Variants in BBS9 observed in about 807,000 individuals in gnomAD.
BBS9 encodes Bardet-Biedl syndrome 9.
Under a neutral mutation model 117.7 loss-of-function variants are expected in BBS9, and 89 were observed. That is an observed-to-expected ratio of 0.76 (90% CI 0.64 to 0.90). The LOEUF (loss-of-function observed/expected upper bound fraction) is 0.90. Among genes scored for constraint, BBS9 ranks in the 40% least tolerant of loss-of-function variants. The pLI, the probability that BBS9 is intolerant of heterozygous loss-of-function variation, is 0.00. For synonymous variants in BBS9, 379 were observed against 370.9 expected, an observed-to-expected ratio of 1.02 and a Z score of -0.25; for missense variants, 982 against 1,042.2, an observed-to-expected ratio of 0.94 and a Z score of 0.80.
In BBS9 at chr7:33,492,369, T is replaced by C. The variant is rs574500087; in HGVS notation, c.2116-13094T>C. On this transcript the variant is annotated intron_variant, in intron 19 of 22. Transcript: ENST00000242067. Reference sequence around the variant, plus strand: ...CTCATTTAATCTTCAAGCCACGTAATTACTTGTCTCTTACAAAGGAGAAAA... The same window carrying C: ...CTCATTTAATCTTCAAGCCACGTAACTACTTGTCTCTTACAAAGGAGAAAA... 3.3e-5 allele frequency among the ~76,000 whole-genome samples: 5 copies of C among 152,186 alleles called. No homozygotes were observed. The South Asian group carries it at 1.0e-3, about 32-fold the overall frequency.
At chr7:33,381,929 A>C (rs1277723681) in intron 17 of BBS9, among the ~76,000 whole-genome samples, 1 of 152,180 alleles carries the variant, frequency 6.6e-6, no homozygotes, top group Non-Finnish European at 1.5e-5. Flanking sequence ...AGTCCTAATA[A>C]CCAATCCGAA....
At chr7:33,138,133 G>A (rs1452465086) in intron 1 of BBS9, among the ~76,000 whole-genome samples, 1 of 152,190 alleles carries the variant, frequency 6.6e-6, no homozygotes, top group Non-Finnish European at 1.5e-5. Flanking sequence ...TAATGAGGCA[G>A]GGGACTAGAG....
At chr7:33,278,031 C>G (rs902656667) in intron 9 of BBS9, among the ~76,000 whole-genome samples, 1 of 152,134 alleles carries the variant, frequency 6.6e-6, no homozygotes, top group Non-Finnish European at 1.5e-5. Context: ...AAACTATAGA[C>G]TAAATGTCTC....
chr7:33,495,626 A>G lies in BBS9; in HGVS notation c.2116-9837A>G, dbSNP rs188391723. On this transcript the variant is annotated intron_variant, in intron 19 of 22. Transcript: ENST00000242067. ...ATTCTTCTTTTTACAACCTGATTCC[A>G]TCAATTATTATTTTTTAAATTGGGG... Among the ~76,000 whole-genome samples the G allele has an allele frequency of 6.0e-4, 91 of 152,236 alleles. 1 individual carries two copies. Among genetic ancestry groups the G allele is most frequent in the Non-Finnish European group, 1.1e-3 (74 of 68,022 alleles).
chr7:33,353,007 A>G (rs1818958174), intron 15 of BBS9, 134 bp downstream of exon 15: 1 of 897,184 alleles, frequency 1.1e-6, no homozygotes, highest in South Asian at 1.5e-5. Flanking sequence ...AGGATGATAC[A>G]GTGCCTTGAT....
intron 19 of BBS9, among the ~76,000 whole-genome samples, chr7:33,392,786 C>T (rs1170420628): frequency 1.3e-5 from 2 of 152,140 alleles, no homozygotes; most frequent in African/African-American, 4.8e-5. Flanking sequence ...TCATTAAAAT[C>T]TTATTCACTC....
At chr7:33,455,529 A>T (rs1838518116) in intron 19 of BBS9, among the ~76,000 whole-genome samples, 1 of 152,166 alleles carries the variant, frequency 6.6e-6, no homozygotes, top group African/African-American at 2.4e-5. Context: ...ATTTCAAAAT[A>T]TTGCCTTCAT....
chr7:33,257,417 T>C lies in BBS9; in HGVS notation c.617+7T>C, dbSNP rs1175003685. ...AACAAGTGGAAAGTTATAAGTAAGT[T>C]TGGATGTTAAGTCTTCAGAATCATG... On this transcript the variant is annotated splice_region_variant and intron_variant, in intron 6 of 22. Coordinates refer to ENST00000242067, the MANE Select transcript of BBS9 (RefSeq NM_198428.3). 2 of 1,613,370 alleles carry C rather than the reference T, an allele frequency of 1.2e-6. No individual in the cohort carries two copies. Among genetic ancestry groups the C allele is most frequent in the East Asian group, 4.5e-5 (2 of 44,836 alleles).
chr7:33,144,489 C>T lies in BBS9; in HGVS notation c.-11-1753C>T, dbSNP rs73309413. Reference sequence around the variant, plus strand: ...AGTAAAAATTGAGTCACCTGATGCACATGTTCCCAGCTGATGTTAAACAAT... The same window carrying T: ...AGTAAAAATTGAGTCACCTGATGCATATGTTCCCAGCTGATGTTAAACAAT... On this transcript the variant is annotated intron_variant, in intron 1 of 22. Transcript: ENST00000242067. 6.7e-3 allele frequency among the ~76,000 whole-genome samples: 1,015 copies of T among 152,304 alleles called. 10 individuals carry two copies. Among genetic ancestry groups the T allele is most frequent in the African/African-American group, 0.023 (951 of 41,558 alleles).
At chr7:33,559,740 C>G (rs1855811670) in intron 21 of BBS9, among the ~76,000 whole-genome samples, 2 of 152,160 alleles carry the variant, frequency 1.3e-5, no homozygotes, top group Admixed American at 1.3e-4. Flanking sequence ...TCACAATAAA[C>G]TCCTAATTAT....
intron 19 of BBS9, among the ~76,000 whole-genome samples, chr7:33,500,341 A>G (rs1845275561): frequency 6.6e-6 from 1 of 152,240 alleles, no homozygotes; most frequent in Non-Finnish European, 1.5e-5. Context: ...ATTGGTTTAT[A>G]TTATGGGGCT....
chr7:33,545,924 C>CTTTTTTT (rs10537037), intron 21 of BBS9, among the ~76,000 whole-genome samples: 6 of 64,612 alleles, frequency 9.3e-5, no homozygotes, highest in East Asian at 5.1e-4. Flanking sequence ...CTTTATAATC[C>CTTTTTTT]TTTTTTTTTT....
chr7:33,622,960 A>C (rs1865478407), intron 21 of BBS9, among the ~76,000 whole-genome samples: 1 of 152,184 alleles, frequency 6.6e-6, no homozygotes, highest in South Asian at 2.1e-4. Context: ...CAAAACAACA[A>C]ATATTTTAGG....
At chr7:33,404,359 A>C (rs1829529680) in intron 19 of BBS9, among the ~76,000 whole-genome samples, 1 of 152,102 alleles carries the variant, frequency 6.6e-6, no homozygotes. Flanking sequence ...ACTTTGAAGT[A>C]GTTTTTTCCA....
intron 19 of BBS9, among the ~76,000 whole-genome samples, chr7:33,410,954 A>AAT (rs10685989): frequency 0.19 from 27,765 of 143,618 alleles, 2,801 homozygotes; most frequent in Non-Finnish European, 0.2. Flanking sequence ...GTATCCGTCT[A>AAT]ATATATATAT....
At chr7:33,286,138 AT>A (rs1802839028) in intron 9 of BBS9, among the ~76,000 whole-genome samples, 1 of 152,084 alleles carries the variant, frequency 6.6e-6, no homozygotes, top group Non-Finnish European at 1.5e-5. Context: ...CAATGGTAGA[AT>A]TCTACTTATT....
chr7:33,529,296 G>A (rs1850192190), intron 20 of BBS9, among the ~76,000 whole-genome samples: 1 of 152,214 alleles, frequency 6.6e-6, no homozygotes, highest in South Asian at 2.1e-4. Context: ...GAGAAGTCAG[G>A]TAGCAGGCAG....
At chr7:33,150,239 T>C (rs1390934345) in intron 2 of BBS9, among the ~76,000 whole-genome samples, 1 of 152,232 alleles carries the variant, frequency 6.6e-6, no homozygotes, top group Non-Finnish European at 1.5e-5. Flanking sequence ...ACCCTGAGTT[T>C]TATTCTTTAC....
At chr7:33,207,604 C>T (rs1381547564) in intron 5 of BBS9, among the ~76,000 whole-genome samples, 1 of 151,186 alleles carries the variant, frequency 6.6e-6, no homozygotes, top group African/African-American at 2.4e-5. Flanking sequence ...TAATCTGATA[C>T]CTATCCTGCT....
Sources: gnomAD v4.1 joint callset for allele counts (sites outside exome capture counted in the v4.1 genomes callset) on GRCh38, gnomAD v4.1.1 for gene constraint, MANE v1.5 for transcripts, NCBI Gene and HGNC (gene_info 2026-07-23, HGNC 2026-07-21) for gene names.